ZNF721: variants seen among roughly 807,000 people sequenced by gnomAD.
ZNF721 encodes the protein zinc finger protein 721.
Under a neutral mutation model 2.4 loss-of-function variants are expected in ZNF721, and 2 were observed. The observed-to-expected ratio is 0.82, with a 90% confidence interval of 0.34 to 2.58. The LOEUF (loss-of-function observed/expected upper bound fraction) is 2.58, where lower values mean the gene tolerates loss of function less well. ZNF721 is among the 30% of genes most tolerant of loss of function. ZNF721 has a pLI of 0.11. For missense variants in ZNF721, 1,187 were observed against 1,085.5 expected (o/e 1.09, Z -1.31); for synonymous variants, 398 against 381.8 (o/e 1.04, Z -0.50).
intron 1 of ZNF721, among the ~76,000 whole-genome samples, chr4:481,643 A>G (rs1316870252): frequency 1.3e-5 from 2 of 149,504 alleles, no homozygotes; most frequent in Non-Finnish European, 3.0e-5. Flanking sequence ...ATCTCAGCTC[A>G]TTGCAACCTC....
chr4:477,283 CAG>C (rs1715650345), intron 1 of ZNF721, among the ~76,000 whole-genome samples: 2 of 108,698 alleles, frequency 1.8e-5, no homozygotes, highest in South Asian at 3.1e-4. Context: ...TTTTTGGAGA[CAG>C]AGTCTCGTCT....
intron 2 of ZNF721, among the ~76,000 whole-genome samples, chr4:447,584 C>T (rs916372049): frequency 2.6e-5 from 4 of 151,998 alleles, no homozygotes; most frequent in Non-Finnish European, 5.9e-5. Context: ...AGTTTCCATT[C>T]GAAATACATG....
chr4:449,777 CAAATAGCCA>C (rs1391792990), intron 2 of ZNF721, among the ~76,000 whole-genome samples: 1 of 152,024 alleles, frequency 6.6e-6, no homozygotes, highest in Admixed American at 6.6e-5. Flanking sequence ...AAAAGAAATA[CAAATAGCCA>C]AAAAGTACAT....
chr4:459,562 G>A (rs1170881704), intron 2 of ZNF721, among the ~76,000 whole-genome samples: 1 of 134,358 alleles, frequency 7.4e-6, no homozygotes, highest in Non-Finnish European at 1.6e-5. Flanking sequence ...AGGTGCAGTG[G>A]CTCACACCTG....
chr4:450,950 AAAAAAAATATATATATATATATATAT>A (rs1235970540), intron 2 of ZNF721, among the ~76,000 whole-genome samples: 3 of 45,038 alleles, frequency 6.7e-5, no homozygotes, highest in African/African-American at 1.1e-4. Flanking sequence ...AAAAAAAAAA[AAAAAAAATATATATATATATATATAT>A]ATATATATAT....
chr4:494,985 C>T (rs527520289), intron 1 of ZNF721, among the ~76,000 whole-genome samples: 10 of 151,568 alleles, frequency 6.6e-5, no homozygotes, highest in African/African-American at 2.4e-4. Flanking sequence ...CGGGTTCACG[C>T]CATTCTCCTG....
rs1553863529 is a variant in ZNF721 at position 443,026 on chromosome 4, CTT to C, written c.1439_1440del (p.Lys480SerfsTer10). The part of the protein sequence containing the change: ...KKPYKCKQCG[K>X]VITSSSSFAK... ...GCAAAGCTTGAGGATGAGGTAATGA[CTT>C]TGCCACATTGCTTACATTTGTAGGG... On this transcript the variant is annotated frameshift_variant, in exon 3 of 3. Transcript: ENST00000511833. LOFTEE classifies it low-confidence loss of function (END_TRUNC). The C allele has an allele frequency of 6.2e-7, 1 of 1,613,818 alleles. No individual in the cohort carries two copies. Among genetic ancestry groups the C allele is most frequent in the Admixed American group, 1.7e-5 (1 of 60,020 alleles).
intron 1 of ZNF721, among the ~76,000 whole-genome samples, chr4:472,959 T>C (rs1715485688): frequency 6.6e-6 from 1 of 152,088 alleles, no homozygotes; most frequent in African/African-American, 2.4e-5. Flanking sequence ...TGTGACCTCC[T>C]GGAAAACAGG....
At chr4:480,821 T>TGG (rs782340695) in intron 1 of ZNF721, among the ~76,000 whole-genome samples, 1 of 84,304 alleles carries the variant, frequency 1.2e-5, no homozygotes, top group African/African-American at 6.2e-5. Flanking sequence ...TTTCACCTTT[T>TGG]GTGGGGGGGG....
intron 1 of ZNF721, among the ~76,000 whole-genome samples, chr4:483,864 T>C (rs1715830310): frequency 6.6e-6 from 1 of 152,150 alleles, no homozygotes; most frequent in African/African-American, 2.4e-5. Flanking sequence ...CAGGCTGGAG[T>C]GCAGTGGCAC....
At chr4:477,861 A>G (rs1239199178) in intron 1 of ZNF721, among the ~76,000 whole-genome samples, 1 of 152,128 alleles carries the variant, frequency 6.6e-6, no homozygotes, top group Non-Finnish European at 1.5e-5. Flanking sequence ...GTAATAAGCA[A>G]TGCTGCCATT....
chr4:460,063 G>C (rs1715011803), intron 2 of ZNF721, among the ~76,000 whole-genome samples: 1 of 152,040 alleles, frequency 6.6e-6, no homozygotes, highest in South Asian at 2.1e-4. Context: ...AGGATATTCA[G>C]GACTTGAACT....
intron 1 of ZNF721, among the ~76,000 whole-genome samples, chr4:496,707 CTTTTTTTTTT>C (rs781947891): frequency 6.0e-5 from 5 of 83,886 alleles, no homozygotes; most frequent in East Asian, 3.7e-4. Context: ...TACATGACTT[CTTTTTTTTTT>C]TTTTTTTTTT....
intron 1 of ZNF721, among the ~76,000 whole-genome samples, chr4:486,729 A>G (rs1553870459): frequency 6.6e-6 from 1 of 152,246 alleles, no homozygotes; most frequent in Non-Finnish European, 1.5e-5. Context: ...TGATCAGTGC[A>G]TTATAGGTGT....
At chr4:465,828 G>C (rs1322453082) in intron 2 of ZNF721, among the ~76,000 whole-genome samples, 1 of 150,074 alleles carries the variant, frequency 6.7e-6, no homozygotes, top group Non-Finnish European at 1.5e-5. Flanking sequence ...ACACAAAAAA[G>C]GAAACCAAAG....
chr4:472,444 A>T, intron 2 of ZNF721, 131 bp downstream of exon 2: 1 of 984,714 alleles, frequency 1.0e-6, no homozygotes, highest in Non-Finnish European at 1.5e-6. Flanking sequence ...TACTATACAC[A>T]TATATAACTT....
At chr4:491,484 A>G (rs1716022055) in intron 1 of ZNF721, among the ~76,000 whole-genome samples, 1 of 152,254 alleles carries the variant, frequency 6.6e-6, no homozygotes, top group Non-Finnish European at 1.5e-5. Context: ...AAATGGTGAT[A>G]CACTTTGGAA....
rs144689594 is a variant in ZNF721, at chr4:472,987, G to A, written c.-93-286C>T. Among the ~76,000 whole-genome samples the A allele has an allele frequency of 1.9e-4, 29 of 152,130 alleles. No homozygotes were observed. In the East Asian group the frequency reaches 5.2e-3, roughly 27 times the overall value. ...AAAACAGGTTGAACTCACCTCTCAT[G>A]AAAATATCTGGAAGTCCTCATGCTT... On this transcript the variant is annotated intron_variant, in intron 1 of 2. Transcript: ENST00000511833.
chr4:442,169 T>A lies in ZNF721; in HGVS notation c.2298A>T (p.Ser766=), dbSNP rs1371169809. The A allele has an allele frequency of 1.9e-6, 3 of 1,612,934 alleles. No individual in the cohort carries two copies. The Admixed American group carries it at 5.0e-5, about 27-fold the overall frequency. ...KECGKVFKQS[S]HLNRHEKIHT... ...GAATTTTCTCATGTCTATTCAGGTG[T>A]GAGGACTGTTTAAACACTTTCCCAC... The change falls in exon 3 of 3, where the codon TCA becomes TCT. Residue 766 remains serine (S), a synonymous_variant. Transcript: ENST00000511833.
Sources: gnomAD v4.1 joint callset for allele counts (sites outside exome capture counted in the v4.1 genomes callset) on GRCh38, gnomAD v4.1.1 for gene constraint, MANE v1.5 for transcripts, NCBI Gene and HGNC (gene_info 2026-07-23, HGNC 2026-07-21) for gene names.